SNTG2: variants seen among roughly 807,000 people sequenced by gnomAD.
SNTG2 encodes the protein gamma-2-syntrophin.
In SNTG2, 74 loss-of-function variants were observed where a neutral mutation model predicts 70.9. That is an observed-to-expected ratio of 1.04 (90% CI 0.86 to 1.27). SNTG2 has a LOEUF of 1.27. Among genes scored for constraint, SNTG2 ranks in the 50% most tolerant of loss-of-function variants. The probability of loss-of-function intolerance (pLI) is 0.00; values close to 1 mark genes in which losing one functional copy is unlikely to be tolerated. For synonymous variants in SNTG2, 278 were observed against 273.8 expected (o/e 1.02, Z -0.15); for missense variants, 717 against 690.7 (o/e 1.04, Z -0.43).
rs527720170 is a variant in SNTG2, at chr2:1,353,593, C to A, written c.1489-13750C>A. On this transcript the variant is annotated intron_variant, in intron 16 of 16. Transcript: ENST00000308624. This position sits in a 1 kb window ranked among gnomAD's most constrained non-coding sequence, Gnocchi z 4.2. The stretch of plus-strand genomic sequence containing the variant: ...CCGTCAGTGACAGAGGAGTGGCCTG[C>A]GGTGAAAGGCAGCCTGAGTTCAGAT... 6.6e-6 allele frequency: 1 copy of A among 152,198 alleles called. No homozygotes were observed. Among genetic ancestry groups the A allele is most frequent in the African/African-American group, 2.4e-5 (1 of 41,450 alleles). 9.4% of individuals were successfully genotyped at this position (152,198 alleles called of 1,614,324 possible).
At chr2:1,006,384 TTAAA>T (rs1230082252) in intron 1 of SNTG2, among the ~76,000 whole-genome samples, 3 of 131,430 alleles carry the variant, frequency 2.3e-5, no homozygotes, top group Admixed American at 8.3e-5. Context: ...TAACCAGATA[TTAAA>T]TAAAGTAGAA....
intron 14 of SNTG2, among the ~76,000 whole-genome samples, chr2:1,280,035 G>A (rs1341830686): frequency 6.6e-6 from 1 of 152,068 alleles, no homozygotes; most frequent in East Asian, 1.9e-4. Context: ...ATGGAAATAT[G>A]CAAAACATAA....
chr2:1,054,364 A>G (rs1250859430), intron 1 of SNTG2, among the ~76,000 whole-genome samples: 1 of 152,090 alleles, frequency 6.6e-6, no homozygotes, highest in African/African-American at 2.4e-5. Flanking sequence ...GAATTGGTTA[A>G]TTCTTCTAGG....
intron 8 of SNTG2, among the ~76,000 whole-genome samples, chr2:1,202,994 G>A (rs1296562580): frequency 6.6e-6 from 1 of 152,172 alleles, no homozygotes; most frequent in South Asian, 2.1e-4. Context: ...TATGCTCAGT[G>A]TTGATAGGAC....
chr2:1,146,213 GTTATTTA>G (rs1277984969), intron 6 of SNTG2, among the ~76,000 whole-genome samples: 3 of 152,072 alleles, frequency 2.0e-5, no homozygotes, highest in Admixed American at 6.6e-5. Flanking sequence ...GGAATGCAAG[GTTATTTA>G]TTATATACAA....
Position 1,042,949 on chromosome 2 carries a change from A to G in SNTG2, c.73-40569A>G, listed in dbSNP as rs34149752. On this transcript the variant is annotated intron_variant, in intron 1 of 16. Coordinates refer to ENST00000308624, the MANE Select transcript of SNTG2 (RefSeq NM_018968.4). ...AAGTAACTTAAGAAATCTACAGACT[A>G]CTTTCCACAGTTATTGAACTAATTT... Among the ~76,000 whole-genome samples the G allele has an allele frequency of 2.4e-3, 367 of 152,292 alleles. 1 individual carries two copies. The highest frequency in any genetic ancestry group is 4.6e-3 in the Non-Finnish European group (311 of 67,996).
At chr2:1,100,792 C>G in intron 4 of SNTG2, among the ~76,000 whole-genome samples, 1 of 152,034 alleles carries the variant, frequency 6.6e-6, no homozygotes, top group East Asian at 1.9e-4. Flanking sequence ...GATGAAAAGT[C>G]TCAGAAAAGA....
chr2:1,017,455 C>T (rs1469113799), intron 1 of SNTG2, among the ~76,000 whole-genome samples: 6 of 152,176 alleles, frequency 3.9e-5, no homozygotes, highest in Non-Finnish European at 2.9e-5. Context: ...TGTGCATGCA[C>T]AAACATGCAA....
At chr2:1,255,508 C>T (rs1678002207) in intron 12 of SNTG2, among the ~76,000 whole-genome samples, 1 of 152,040 alleles carries the variant, frequency 6.6e-6, no homozygotes, top group Non-Finnish European at 1.5e-5. Flanking sequence ...CCTTGCTGCA[C>T]TTTGGGAGTC....
chr2:1,180,811 A>T (rs1671832310), intron 8 of SNTG2, among the ~76,000 whole-genome samples: 1 of 152,032 alleles, frequency 6.6e-6, no homozygotes, highest in African/African-American at 2.4e-5. Flanking sequence ...AAGACTTGGA[A>T]CCAACCCAAA....
chr2:1,246,149 A>C (rs1677409477), intron 11 of SNTG2, among the ~76,000 whole-genome samples: 1 of 152,194 alleles, frequency 6.6e-6, no homozygotes, highest in Non-Finnish European at 1.5e-5. Context: ...GAAAGACAAA[A>C]CTAAAACGTT....
At chr2:1,306,823 G>T (rs145853785) in intron 14 of SNTG2, among the ~76,000 whole-genome samples, 1 of 151,288 alleles carries the variant, frequency 6.6e-6, no homozygotes, top group Non-Finnish European at 1.5e-5. Context: ...AGAGCAGTGC[G>T]CTGTGAGCCG....
intron 6 of SNTG2, among the ~76,000 whole-genome samples, chr2:1,148,066 C>T (rs1401711178): frequency 6.6e-6 from 1 of 152,164 alleles, no homozygotes; most frequent in Non-Finnish European, 1.5e-5. Context: ...ATTTTTCTGG[C>T]TCCTTGTTGG....
intron 1 of SNTG2, among the ~76,000 whole-genome samples, chr2:999,794 T>G (rs746330122): frequency 6.6e-6 from 1 of 151,922 alleles, no homozygotes; most frequent in Non-Finnish European, 1.5e-5. Context: ...ACAAACACAT[T>G]GCATTCTACT....
intron 1 of SNTG2, among the ~76,000 whole-genome samples, chr2:964,852 T>C (rs1660472666): frequency 6.6e-6 from 1 of 152,084 alleles, no homozygotes; most frequent in Non-Finnish European, 1.5e-5. Context: ...TGAGAAGAGC[T>C]CCTCTTGGGT....
Position 1,367,412 on chromosome 2 carries a change from T to G in SNTG2, c.1558T>G (p.Ser520Ala). The G allele has an allele frequency of 6.4e-7, 1 of 1,551,762 alleles. No individual in the cohort carries two copies. The highest frequency in any genetic ancestry group is 8.7e-7 in the Non-Finnish European group (1 of 1,147,008). The change falls in exon 17 of 17, where the codon TCC becomes GCC. Residue 520 changes from serine to alanine, a missense_variant. By Grantham distance (99) the Ser-to-Ala change is moderately conservative. Transcript: ENST00000308624. ...IHSFIAAKVA[S>A]VDPGFMDSQS... The stretch of plus-strand genomic sequence containing the variant: ...CTCCTTCATAGCAGCCAAGGTGGCC[T>G]CCGTGGACCCCGGCTTCATGGACAG...
In SNTG2 at chr2:1,136,209, T is replaced by C. The variant is rs180791537; in HGVS notation, c.326-1413T>C. Among the ~76,000 whole-genome samples, 240 of 151,506 alleles carry C rather than the reference T, an allele frequency of 1.6e-3. 3 individuals carry two copies. Among genetic ancestry groups the C allele is most frequent in the Admixed American group, 0.013 (204 of 15,198 alleles). ...TGCTTCTGAGGCCCCGGCTTGAGAG[T>C]CCATTATTCCAGATAATCAATACAT... On this transcript the variant is annotated intron_variant, in intron 4 of 16. Transcript: ENST00000308624.
chr2:1,360,988 CA>C (rs1243186389), intron 16 of SNTG2, among the ~76,000 whole-genome samples: 1 of 152,220 alleles, frequency 6.6e-6, no homozygotes, highest in Non-Finnish European at 1.5e-5. Flanking sequence ...AAAGCTGATG[CA>C]GTCCCCAGCG....
At chr2:1,363,858 T>C (rs4629199) in intron 16 of SNTG2, among the ~76,000 whole-genome samples, 109,806 of 152,146 alleles carry the variant, frequency 0.72, 39,931 homozygotes, top group East Asian at 0.94. Flanking sequence ...ACATAATGGA[T>C]TGAGTATTGT....
Sources: allele counts gnomAD v4.1 joint callset (sites outside exome capture counted in the v4.1 genomes callset), GRCh38; gene constraint gnomAD v4.1.1; non-coding constraint Gnocchi (gnomAD v3.1); transcripts MANE v1.5; gene names NCBI Gene and HGNC (gene_info 2026-07-23, HGNC 2026-07-21).